Variants in HBS1L observed in about 807,000 individuals in gnomAD.
HBS1L encodes HBS1 like translational GTPase, also known as HBS1-like protein.
Under a neutral mutation model 88.9 loss-of-function variants are expected in HBS1L, and 55 were observed. The observed-to-expected ratio is 0.62, with a 90% CI of 0.50 to 0.77. The LOEUF (loss-of-function observed/expected upper bound fraction) is 0.77. Ranked by LOEUF, HBS1L falls within the 30% of genes least tolerant of loss-of-function variation. The pLI is 0.00. For synonymous variants in HBS1L, 267 were observed against 288.5 expected (o/e 0.93, Z 0.76); for missense variants, 741 against 829.3 (o/e 0.89, Z 1.31).
At chr6:135,039,865 ATATTC>A in intron 3 of HBS1L, 98 bp from the exon 4 acceptor site, 1 of 998,176 alleles carries the variant, frequency 1.0e-6, no homozygotes, top group Non-Finnish European at 1.4e-6. Flanking sequence ...CTGTACTAGA[ATATTC>A]AACTCTCCCT....
At chr6:134,980,420 TTG>T (rs1774795853) in intron 13 of HBS1L, among the ~76,000 whole-genome samples, 1 of 152,024 alleles carries the variant, frequency 6.6e-6, no homozygotes, top group African/African-American at 2.4e-5. Context: ...TAAGGAATGT[TTG>T]TTAAATATCA....
chr6:134,992,728 T>C (rs913174101), intron 8 of HBS1L, among the ~76,000 whole-genome samples: 8 of 152,134 alleles, frequency 5.3e-5, no homozygotes, highest in Non-Finnish European at 1.0e-4. Flanking sequence ...AGTCAGAAAG[T>C]TAAAAAAAAT....
chr6:135,047,181 T>G (rs913041359), intron 2 of HBS1L, among the ~76,000 whole-genome samples: 3 of 152,220 alleles, frequency 2.0e-5, no homozygotes, highest in Non-Finnish European at 4.4e-5. Flanking sequence ...TCAAGGAAGC[T>G]AGGCCATAAA....
chr6:134,985,251 A>G, intron 12 of HBS1L, 90 bp downstream of exon 12: 1 of 701,294 alleles, frequency 1.4e-6, no homozygotes, highest in Non-Finnish European at 2.3e-6. Context: ...TGAAGGCAAT[A>G]TACTGTCATA....
chr6:135,028,943 A>C (rs1230205865), intron 4 of HBS1L, among the ~76,000 whole-genome samples: 4 of 152,044 alleles, frequency 2.6e-5, no homozygotes, highest in African/African-American at 7.2e-5. Flanking sequence ...GATAACTCAG[A>C]AAAACTATAA....
chr6:134,987,534 A>T, intron 9 of HBS1L, 111 bp downstream of exon 9: 1 of 703,360 alleles, frequency 1.4e-6, no homozygotes, highest in Non-Finnish European at 2.1e-6. Flanking sequence ...ATTTTTAAAA[A>T]CATGGCAACC....
chr6:135,016,116 C>A (rs1775914655), intron 4 of HBS1L, among the ~76,000 whole-genome samples: 1 of 151,004 alleles, frequency 6.6e-6, no homozygotes. Flanking sequence ...GAACTCCCAA[C>A]CTCAGGTGAT....
intron 7 of HBS1L, among the ~76,000 whole-genome samples, chr6:134,996,387 A>T (rs1015187076): frequency 1.3e-5 from 2 of 152,174 alleles, no homozygotes; most frequent in African/African-American, 4.8e-5. Flanking sequence ...TATGACAGTT[A>T]CCTTTCCTTT....
intron 2 of HBS1L, among the ~76,000 whole-genome samples, chr6:135,044,106 C>T (rs1776836174): frequency 6.6e-6 from 1 of 152,168 alleles, no homozygotes; most frequent in South Asian, 2.1e-4. Flanking sequence ...GAGCATTGTG[C>T]CTTTACAATA....
Position 134,962,286 on chromosome 6 carries a change from TAAC to T in HBS1L, c.*2990_*2992del, listed in dbSNP as rs992538767. 5.9e-5 allele frequency: 9 copies of T among 152,096 alleles called. No homozygotes were observed. Among genetic ancestry groups the T allele is most frequent in the Non-Finnish European group, 1.0e-4 (7 of 68,018 alleles). The allele number at this position is 152,096 out of a possible 1,614,324, so 9.4% of individuals were successfully genotyped here. ...CTTCTATTGAAAAATATTGATTACA[TAAC>T]AACATGAAAATAACTTGGCTAACGC... On this transcript the variant is annotated 3_prime_UTR_variant, in exon 18 of 18. Coordinates refer to ENST00000367837, the MANE Select transcript of HBS1L (RefSeq NM_006620.4).
At chr6:135,019,487 C>A (rs1776012498) in intron 4 of HBS1L, among the ~76,000 whole-genome samples, 2 of 151,780 alleles carry the variant, frequency 1.3e-5, no homozygotes, top group Non-Finnish European at 3.0e-5. Flanking sequence ...TAAAAGGCAT[C>A]AAAATTTATT....
intron 4 of HBS1L, among the ~76,000 whole-genome samples, chr6:135,028,196 A>T (rs564526810): frequency 5.9e-5 from 9 of 152,272 alleles, no homozygotes; most frequent in African/African-American, 2.2e-4. Context: ...TAATGAATTA[A>T]ACCAGGAGAA....
intron 4 of HBS1L, chr6:135,036,658 T>C: frequency 6.4e-7 from 1 of 1,551,214 alleles, no homozygotes; most frequent in South Asian, 1.2e-5. Flanking sequence ...TGGACTTATT[T>C]CTTTGTCCTT....
intron 4 of HBS1L, among the ~76,000 whole-genome samples, chr6:135,021,837 T>C (rs536547769): frequency 1.8e-4 from 27 of 152,318 alleles, no homozygotes; most frequent in African/African-American, 5.5e-4. Context: ...AAGGTTCTTA[T>C]AATGACCAAA....
intron 2 of HBS1L, among the ~76,000 whole-genome samples, chr6:135,042,826 C>CAAAAAAAAAAAAA: frequency 2.5e-5 from 1 of 40,024 alleles, no homozygotes; most frequent in Non-Finnish European, 6.0e-5. Context: ...AAAAAAAAAA[C>CAAAAAAAAAAAAA]AAAAAAAAAA....
chr6:135,027,977 G>C (rs1168269338), intron 4 of HBS1L, among the ~76,000 whole-genome samples: 3 of 151,920 alleles, frequency 2.0e-5, no homozygotes, highest in Non-Finnish European at 4.4e-5. Flanking sequence ...ATGTTGCCCA[G>C]GCTGGTCTTG....
At chr6:135,007,525 A>C (rs1199172750) in intron 4 of HBS1L, among the ~76,000 whole-genome samples, 2 of 152,202 alleles carry the variant, frequency 1.3e-5, no homozygotes, top group Non-Finnish European at 2.9e-5. Flanking sequence ...GTCAAGGATA[A>C]AAACATACAT....
At chr6:134,996,187 A>C (rs990580743) in intron 7 of HBS1L, among the ~76,000 whole-genome samples, 2 of 152,154 alleles carry the variant, frequency 1.3e-5, no homozygotes, top group African/African-American at 4.8e-5. Context: ...TGACACTCTA[A>C]AAGGACTTCA....
chr6:135,038,637 C>T (rs1776632399), intron 4 of HBS1L, among the ~76,000 whole-genome samples: 1 of 152,158 alleles, frequency 6.6e-6, no homozygotes, highest in South Asian at 2.1e-4. Flanking sequence ...ACAACAAACA[C>T]TGACATAGTA....
Sources: gnomAD v4.1 joint callset for allele counts (sites outside exome capture counted in the v4.1 genomes callset) on GRCh38, gnomAD v4.1.1 for gene constraint, MANE v1.5 for transcripts, NCBI Gene and HGNC (gene_info 2026-07-23, HGNC 2026-07-21) for gene names.